The following RTF1 variants were observed in gnomAD, a reference collection of about 807,000 sequenced individuals.
RTF1 encodes the protein RTF1 homolog, Paf1/RNA polymerase II complex component.
In RTF1, 10 loss-of-function variants were observed where a neutral mutation model predicts 95.7. The ratio of observed to expected loss-of-function variants is 0.10; its 90% confidence interval spans 0.06 to 0.18. The LOEUF (loss-of-function observed/expected upper bound fraction) is 0.18. Ranked by LOEUF, RTF1 falls within the 10% of genes least tolerant of loss-of-function variation. The probability of loss-of-function intolerance (pLI) is 1.00; values close to 1 mark genes in which losing one functional copy is unlikely to be tolerated. For synonymous variants in RTF1, 305 were observed against 311.8 expected (o/e 0.98, Z 0.23); for missense variants, 458 against 875.6 (o/e 0.52, Z 6.02).
chr15:41,447,284 C>T (rs1221716785), intron 2 of RTF1, among the ~76,000 whole-genome samples: 2 of 152,032 alleles, frequency 1.3e-5, no homozygotes, highest in Non-Finnish European at 2.9e-5. Flanking sequence ...ACTTTCCTGC[C>T]TTCATCATGC....
rs966137432 is a variant in RTF1 at position 41,482,983 on chromosome 15, C to G, written c.*2296C>G. ...AATAAAATTTTTATTAAAACTGCATCACACTGTAGCCACTTTGCCACCACC... is the reference window on the plus strand; with the variant it reads ...AATAAAATTTTTATTAAAACTGCATGACACTGTAGCCACTTTGCCACCACC... On this transcript the variant is annotated 3_prime_UTR_variant, in exon 18 of 18. Transcript: ENST00000389629. 6.6e-6 allele frequency: 1 copy of G among 152,658 alleles called. No homozygotes were observed. The highest frequency in any genetic ancestry group is 6.5e-5 in the Admixed American group (1 of 15,274). 9.5% of individuals were successfully genotyped at this position (152,658 alleles called of 1,614,324 possible).
intron 1 of RTF1, among the ~76,000 whole-genome samples, chr15:41,418,017 C>T (rs2050580560): frequency 6.6e-6 from 1 of 152,150 alleles, no homozygotes; most frequent in Non-Finnish European, 1.5e-5. Flanking sequence ...CTGTGCATAG[C>T]CCAGGCCTCC....
intron 2 of RTF1, among the ~76,000 whole-genome samples, chr15:41,440,692 C>T (rs1453341074): frequency 2.0e-5 from 3 of 149,430 alleles, no homozygotes; most frequent in Admixed American, 6.7e-5. Context: ...GGTTTCACCA[C>T]GTTAGCCAAG....
intron 1 of RTF1, among the ~76,000 whole-genome samples, chr15:41,428,682 C>G (rs1325879784): frequency 6.6e-6 from 1 of 151,870 alleles, no homozygotes; most frequent in Non-Finnish European, 1.5e-5. Context: ...AAGTGATCCT[C>G]CCTCCTCTGC....
chr15:41,443,586 A>G (rs1337333516), intron 2 of RTF1, among the ~76,000 whole-genome samples: 1 of 142,890 alleles, frequency 7.0e-6, no homozygotes, highest in African/African-American at 2.7e-5. Context: ...GCAGCCATTC[A>G]ATCATGAGTT....
chr15:41,465,473 T>C (rs1005312885), intron 5 of RTF1, among the ~76,000 whole-genome samples: 4 of 152,156 alleles, frequency 2.6e-5, no homozygotes, highest in African/African-American at 9.7e-5. Context: ...AAATCCTGTC[T>C]CTACTAAAAA....
At chr15:41,480,539 T>G (rs1231485845) in intron 17 of RTF1, 42 bp from the exon 18 acceptor site, 4 of 1,456,396 alleles carry the variant, frequency 2.7e-6, no homozygotes, top group Non-Finnish European at 2.9e-6. Context: ...CTAAGAGGAC[T>G]TTGTGGGACC....
At chr15:41,459,420 A>T (rs1217226995) in intron 4 of RTF1, among the ~76,000 whole-genome samples, 1 of 152,188 alleles carries the variant, frequency 6.6e-6, no homozygotes, top group East Asian at 1.9e-4. Flanking sequence ...TGTCTTGATA[A>T]AGATCAGTAC....
chr15:41,479,280 T>A, intron 16 of RTF1, 82 bp downstream of exon 16: 1 of 920,534 alleles, frequency 1.1e-6, no homozygotes. Flanking sequence ...AGTTTGGGCT[T>A]GATTTTTCCA....
intron 2 of RTF1, among the ~76,000 whole-genome samples, chr15:41,446,515 G>A (rs1394689083): frequency 6.6e-6 from 1 of 151,866 alleles, no homozygotes; most frequent in Admixed American, 6.6e-5. Context: ...GCAGTGAGCC[G>A]AGATTGTGCC....
intron 10 of RTF1, 44 bp from the exon 11 acceptor site, chr15:41,475,668 C>T: frequency 1.2e-6 from 2 of 1,600,862 alleles, no homozygotes; most frequent in Non-Finnish European, 1.7e-6. Flanking sequence ...AAATATCTTT[C>T]CAAAATCCCT....
intron 1 of RTF1, among the ~76,000 whole-genome samples, chr15:41,435,501 A>G (rs1448388211): frequency 6.6e-6 from 1 of 152,138 alleles, no homozygotes; most frequent in Non-Finnish European, 1.5e-5. Flanking sequence ...ACGACTGTAA[A>G]CACACAAGTG....
intron 2 of RTF1, among the ~76,000 whole-genome samples, chr15:41,447,522 G>C (rs1204422204): frequency 6.6e-6 from 1 of 152,216 alleles, no homozygotes; most frequent in Non-Finnish European, 1.5e-5. Flanking sequence ...ACATCAGTGA[G>C]AGTCAAACTG....
intron 5 of RTF1, among the ~76,000 whole-genome samples, chr15:41,465,428 G>A (rs1041302672): frequency 3.3e-5 from 5 of 152,166 alleles, no homozygotes; most frequent in Non-Finnish European, 7.3e-5. Context: ...ATCACTCAAG[G>A]CCAGGAGTTT....
chr15:41,476,372 A>C, intron 11 of RTF1, 74 bp from the exon 12 acceptor site: 1 of 1,235,414 alleles, frequency 8.1e-7, no homozygotes, highest in Non-Finnish European at 1.2e-6. Context: ...TTTGCATCCA[A>C]AATGGGCTCA....
rs1446311714 is a variant in RTF1, at chr15:41,479,108, A to G, written c.1824A>G (p.Arg608=). Residue 608 remains arginine (R), a synonymous_variant, in exon 16 of 18, where the codon AGA becomes AGG. Transcript: ENST00000389629. ...QCKPTIVSNS[R]DPAVQAAILA... is the part of the protein sequence containing the mutation. ...CAACTTATTTTCTCTCTCAGTCCAG[A>G]GACCCAGCTGTTCAAGCTGCCATCT... is the stretch of plus-strand genomic sequence containing the variant. 1 of 1,611,810 alleles carries G rather than the reference A, an allele frequency of 6.2e-7. No individual in the cohort carries two copies. The highest frequency in any genetic ancestry group is 8.5e-7 in the Non-Finnish European group (1 of 1,178,040).
intron 8 of RTF1, among the ~76,000 whole-genome samples, chr15:41,473,747 G>A (rs1254839354): frequency 6.6e-6 from 1 of 150,670 alleles, no homozygotes; most frequent in South Asian, 2.1e-4. Flanking sequence ...TTTCTTTTTT[G>A]TAGAGACTGG....
chr15:41,426,781 A>ATGTGTGTGTGTGTGTG (rs58073154), intron 1 of RTF1, among the ~76,000 whole-genome samples: 18 of 78,458 alleles, frequency 2.3e-4, no homozygotes, highest in East Asian at 1.6e-3. Context: ...CTACATATAT[A>ATGTGTGTGTGTGTGTG]TGTGTGTGTG....
intron 5 of RTF1, 129 bp from the exon 6 acceptor site, chr15:41,466,012 T>A (rs2050878530): frequency 1.8e-6 from 1 of 549,030 alleles, no homozygotes; most frequent in African/African-American, 1.9e-5. Context: ...TCTCTCCCCT[T>A]ACATAAAAGC....
Sources: gnomAD v4.1 joint callset for allele counts (sites outside exome capture counted in the v4.1 genomes callset) on GRCh38, gnomAD v4.1.1 for gene constraint, MANE v1.5 for transcripts, NCBI Gene and HGNC (gene_info 2026-07-23, HGNC 2026-07-21) for gene names.